KCNMA1: variants seen among roughly 807,000 people sequenced by gnomAD.
The protein encoded by KCNMA1 is Calcium-activated potassium channel subunit alpha-1.
In KCNMA1, 29 loss-of-function variants were observed where a neutral mutation model predicts 140.0. That is an observed-to-expected ratio of 0.21 (90% CI 0.15 to 0.28). KCNMA1 has a LOEUF of 0.28. KCNMA1 is among the 10% of genes least tolerant of loss of function. The probability of loss-of-function intolerance (pLI) is 1.00; values close to 1 mark genes in which losing one functional copy is unlikely to be tolerated. For synonymous variants in KCNMA1, 612 were observed against 611.9 expected, an observed-to-expected ratio of 1.00 and a Z score of 0.00; for missense variants, 880 against 1,602.2, an observed-to-expected ratio of 0.55 and a Z score of 7.70.
At chr10:77,106,273 A>G (rs1266112789) in intron 9 of KCNMA1, among the ~76,000 whole-genome samples, 2 of 151,568 alleles carry the variant, frequency 1.3e-5, no homozygotes, top group Non-Finnish European at 2.9e-5. Flanking sequence ...AAAAAAGAGA[A>G]AGAGAGAGAG....
At chr10:77,508,665 C>T (rs1195388407) in intron 1 of KCNMA1, among the ~76,000 whole-genome samples, 2 of 137,962 alleles carry the variant, frequency 1.4e-5, no homozygotes, top group Non-Finnish European at 3.0e-5. Flanking sequence ...CACTACGTTG[C>T]CTAGGCTGGT....
intron 1 of KCNMA1, among the ~76,000 whole-genome samples, chr10:77,444,190 A>G (rs1444765952): frequency 6.6e-6 from 1 of 152,214 alleles, no homozygotes. Context: ...TTTTGAGACT[A>G]TGAGGCTCTA....
At chr10:77,509,293 C>G (rs1037584233) in intron 1 of KCNMA1, among the ~76,000 whole-genome samples, 4 of 151,890 alleles carry the variant, frequency 2.6e-5, no homozygotes, top group Non-Finnish European at 4.4e-5. Flanking sequence ...TAATTTTTGT[C>G]TTTTTAGTAG....
At chr10:77,235,340 C>A (rs546965573) in intron 3 of KCNMA1, among the ~76,000 whole-genome samples, 1 of 152,140 alleles carries the variant, frequency 6.6e-6, no homozygotes, top group Non-Finnish European at 1.5e-5. Flanking sequence ...CTGGCTTTGA[C>A]CTCATCAAGT....
At chr10:76,986,998 A>T (rs2081433212) in intron 19 of KCNMA1, among the ~76,000 whole-genome samples, 1 of 152,140 alleles carries the variant, frequency 6.6e-6, no homozygotes, top group African/African-American at 2.4e-5. Context: ...TCAGAAACAA[A>T]GGTTCTGTTC....
chr10:77,043,018 C>T (rs932780350), intron 14 of KCNMA1, among the ~76,000 whole-genome samples: 3 of 152,178 alleles, frequency 2.0e-5, no homozygotes, highest in African/African-American at 4.8e-5. Flanking sequence ...CTGACTTTTA[C>T]TGATTTTTCC....
intron 1 of KCNMA1, among the ~76,000 whole-genome samples, chr10:77,552,035 G>C (rs1453340201): frequency 1.3e-5 from 2 of 152,172 alleles, no homozygotes; most frequent in African/African-American, 4.8e-5. Flanking sequence ...CCCATGGTGG[G>C]AAAAATCTCC....
In KCNMA1 at chr10:77,313,201, C is replaced by T. The variant is rs186722246; in HGVS notation, c.541-61945G>A. The stretch of plus-strand genomic sequence containing the variant: ...TGCTTGAATCAGGAGCTTCCTTAAA[C>T]GCTAGCATAAAGCTGGTCTACACAT... On this transcript the variant is annotated intron_variant, in intron 2 of 27. Transcript: ENST00000286628. 3.9e-5 allele frequency among the ~76,000 whole-genome samples: 6 copies of T among 152,300 alleles called. No individual in the cohort carries two copies. In the East Asian group the frequency reaches 5.8e-4, roughly 15 times the overall value.
At position 76,884,980 on chromosome 10, in the gene KCNMA1, T is replaced by C; in HGVS notation, c.*2286A>G. 1 of 1,548,076 alleles carries C rather than the reference T, an allele frequency of 6.5e-7. No homozygotes were observed. Among genetic ancestry groups the C allele is most frequent in the Non-Finnish European group, 8.7e-7 (1 of 1,145,682 alleles). ...TGGCTAGGTCATGCAGAACCATTAA[T>C]TGTCATACCTTGGCCCATTCTATTC... On this transcript the variant is annotated 3_prime_UTR_variant, in exon 28 of 28. Coordinates refer to ENST00000286628, the MANE Select transcript of KCNMA1 (RefSeq NM_001161352.2).
chr10:77,287,423 C>T (rs535615178), intron 2 of KCNMA1, among the ~76,000 whole-genome samples: 2 of 152,266 alleles, frequency 1.3e-5, no homozygotes, highest in African/African-American at 2.4e-5. Flanking sequence ...CTGTTGCATT[C>T]ACTTTAGCAA....
chr10:77,552,033 G>T (rs1199494649), intron 1 of KCNMA1, among the ~76,000 whole-genome samples: 1 of 152,206 alleles, frequency 6.6e-6, no homozygotes, highest in Non-Finnish European at 1.5e-5. Flanking sequence ...GACCCATGGT[G>T]GGAAAAATCT....
chr10:77,100,549 T>C (rs2097071681), intron 9 of KCNMA1, among the ~76,000 whole-genome samples: 2 of 152,150 alleles, frequency 1.3e-5, no homozygotes, highest in African/African-American at 4.8e-5. Flanking sequence ...TTGACCTCTA[T>C]AATGTTTTAA....
intron 3 of KCNMA1, among the ~76,000 whole-genome samples, chr10:77,242,968 C>T (rs1374660834): frequency 6.6e-6 from 1 of 151,338 alleles, no homozygotes; most frequent in African/African-American, 2.4e-5. Flanking sequence ...TCTCTCTTTT[C>T]TCCCAAATTC....
chr10:77,375,123 G>T (rs2094997806), intron 2 of KCNMA1, among the ~76,000 whole-genome samples: 1 of 152,172 alleles, frequency 6.6e-6, no homozygotes, highest in Admixed American at 6.5e-5. Flanking sequence ...AGTGGTGAAG[G>T]TCACAGAAAA....
At chr10:77,605,123 G>A (rs1306791315) in intron 1 of KCNMA1, among the ~76,000 whole-genome samples, 2 of 152,244 alleles carry the variant, frequency 1.3e-5, no homozygotes, top group Non-Finnish European at 2.9e-5. Flanking sequence ...AACCACAGAG[G>A]GACATCCCTC....
At chr10:77,077,481 T>C (rs1434256375) in intron 13 of KCNMA1, among the ~76,000 whole-genome samples, 1 of 152,224 alleles carries the variant, frequency 6.6e-6, no homozygotes, top group Non-Finnish European at 1.5e-5. Flanking sequence ...AGGGACTGTC[T>C]GGATCCCAGG....
chr10:77,367,020 A>C (rs906853868), intron 2 of KCNMA1, among the ~76,000 whole-genome samples: 2 of 152,214 alleles, frequency 1.3e-5, no homozygotes, highest in African/African-American at 4.8e-5. Context: ...CTGTGTTCCT[A>C]GGGAGAGAAA....
At chr10:77,586,242 C>T (rs1255549741) in intron 1 of KCNMA1, 1 of 152,206 alleles carries the variant, frequency 6.6e-6, no homozygotes, top group Non-Finnish European at 1.5e-5. Flanking sequence ...ATCACATGGT[C>T]ACTCTACTGA....
chr10:77,312,815 T>C (rs946027692), intron 2 of KCNMA1, among the ~76,000 whole-genome samples: 1 of 152,134 alleles, frequency 6.6e-6, no homozygotes, highest in African/African-American at 2.4e-5. Context: ...GGTGGGGGTG[T>C]ACTTGTTTCC....
Sources: allele counts gnomAD v4.1 joint callset (sites outside exome capture counted in the v4.1 genomes callset), GRCh38; gene constraint gnomAD v4.1.1; transcripts MANE v1.5; gene names NCBI Gene and HGNC (gene_info 2026-07-23, HGNC 2026-07-21).